TRPS1: variants seen among roughly 807,000 people sequenced by gnomAD.
TRPS1 encodes transcriptional repressor GATA binding 1, also known as zinc finger transcription factor Trps1.
A neutral mutation model predicts 101.2 loss-of-function variants in TRPS1; 6 were observed. The observed-to-expected ratio is 0.06, with a 90% CI of 0.03 to 0.12. The LOEUF (loss-of-function observed/expected upper bound fraction) is 0.12. Ranked by LOEUF, TRPS1 falls within the 10% of genes least tolerant of loss-of-function variation. TRPS1 has a pLI of 1.00. For missense variants in TRPS1, 1,363 were observed against 1,567.0 expected (o/e 0.87, Z 2.20); for synonymous variants, 578 against 589.8 (o/e 0.98, Z 0.29).
At chr8:115,577,162 A>T (rs1817337613) in intron 5 of TRPS1, among the ~76,000 whole-genome samples, 1 of 152,166 alleles carries the variant, frequency 6.6e-6, no homozygotes, top group African/African-American at 2.4e-5. Flanking sequence ...TGTTCAATGT[A>T]CAAAAGAGGA....
At chr8:115,533,441 T>TTTTTTTTTGTTTTTTTTTTTTTTG (rs1563580700) in intron 5 of TRPS1, among the ~76,000 whole-genome samples, 1 of 124,466 alleles carries the variant, frequency 8.0e-6, no homozygotes, top group African/African-American at 3.4e-5. Flanking sequence ...AATCTGTTTT[T>TTTTTTTTTGTTTTTTTTTTTTTTG]TTTTTTTTTT....
intron 5 of TRPS1, among the ~76,000 whole-genome samples, chr8:115,421,489 CTT>C (rs995117647): frequency 6.6e-6 from 1 of 152,104 alleles, no homozygotes; most frequent in African/African-American, 2.4e-5. Context: ...CAATGTGTTT[CTT>C]TCATACCAAT....
At chr8:115,511,599 A>C (rs1238204280) in intron 5 of TRPS1, among the ~76,000 whole-genome samples, 1 of 151,934 alleles carries the variant, frequency 6.6e-6, no homozygotes, top group Non-Finnish European at 1.5e-5. Context: ...TCCCTGTGAC[A>C]GAGTTGGGAC....
chr8:115,497,413 C>A (rs1403760114), intron 5 of TRPS1, among the ~76,000 whole-genome samples: 1 of 152,162 alleles, frequency 6.6e-6, no homozygotes, highest in Admixed American at 6.5e-5. Context: ...TGCTGTGTGG[C>A]CCAGTTCCTA....
chr8:115,429,020 G>C (rs1168475159), intron 5 of TRPS1, among the ~76,000 whole-genome samples: 1 of 152,158 alleles, frequency 6.6e-6, no homozygotes, highest in Non-Finnish European at 1.5e-5. Context: ...AAACTGAGCT[G>C]ATTTCTAAAG....
rs1363449246 is a variant in TRPS1, at chr8:115,412,760, T to A, written c.*1263A>T. The stretch of plus-strand genomic sequence containing the variant: ...ACAGCACCTTTAACCAATTATTTAA[T>A]GTTCAGTTATTTAGCCCTATTTCCC... On this transcript the variant is annotated 3_prime_UTR_variant, in exon 7 of 7. Transcript: ENST00000395715. 6.6e-6 allele frequency: 1 copy of A among 152,550 alleles called. No individual in the cohort carries two copies. The highest frequency in any genetic ancestry group is 1.5e-5 in the Non-Finnish European group (1 of 68,006). 9.4% of individuals were successfully genotyped at this position (152,550 alleles called of 1,614,324 possible).
intron 5 of TRPS1, among the ~76,000 whole-genome samples, chr8:115,576,227 C>T (rs1817314048): frequency 6.6e-6 from 1 of 151,810 alleles, no homozygotes; most frequent in Non-Finnish European, 1.5e-5. Flanking sequence ...TTGCTTATAA[C>T]TTATGGATTC....
intron 5 of TRPS1, among the ~76,000 whole-genome samples, chr8:115,526,202 G>A (rs1439724499): frequency 6.6e-6 from 1 of 152,026 alleles, no homozygotes; most frequent in Non-Finnish European, 1.5e-5. Flanking sequence ...CCAGCTACTC[G>A]AGAGACTGAG....
chr8:115,445,131 A>T (rs1269589817), intron 5 of TRPS1, among the ~76,000 whole-genome samples: 1 of 152,018 alleles, frequency 6.6e-6, no homozygotes, highest in East Asian at 1.9e-4. Context: ...GTTCCCTCAA[A>T]CAGACCTCAT....
intron 5 of TRPS1, among the ~76,000 whole-genome samples, chr8:115,535,526 TATATAGCGCATATATATAGCGC>T (rs1460169289): frequency 6.0e-5 from 9 of 149,020 alleles, no homozygotes; most frequent in African/African-American, 2.2e-4. Flanking sequence ...ATATAGCGCA[TATATAGCGCATATATATAGCGC>T]ATATATATAT....
chr8:115,609,518 T>C (rs1211717416), intron 3 of TRPS1, among the ~76,000 whole-genome samples: 1 of 152,150 alleles, frequency 6.6e-6, no homozygotes, highest in Admixed American at 6.5e-5. Flanking sequence ...TGAAAATGTC[T>C]CACCAAGGCC....
At chr8:115,660,049 A>G (rs1404785576) in intron 1 of TRPS1, among the ~76,000 whole-genome samples, 3 of 152,004 alleles carry the variant, frequency 2.0e-5, no homozygotes, top group African/African-American at 7.2e-5. Flanking sequence ...TAGCTCAGAG[A>G]GCAAAAGCTA....
chr8:115,657,202 T>C (rs1280000357), intron 1 of TRPS1, among the ~76,000 whole-genome samples: 2 of 152,046 alleles, frequency 1.3e-5, no homozygotes, highest in African/African-American at 4.8e-5. Flanking sequence ...AAGCAAACAT[T>C]CACTGTTATA....
chr8:115,519,824 AAAG>A (rs1381287788), intron 5 of TRPS1, among the ~76,000 whole-genome samples: 3 of 151,750 alleles, frequency 2.0e-5, no homozygotes, highest in African/African-American at 4.8e-5. Flanking sequence ...GTTCAAAAGA[AAAG>A]AAGAATTAAT....
chr8:115,608,298 G>T (rs1818085504), intron 3 of TRPS1, among the ~76,000 whole-genome samples: 1 of 152,046 alleles, frequency 6.6e-6, no homozygotes, highest in African/African-American at 2.4e-5. Flanking sequence ...ATATTAAACT[G>T]TAATTTCTGT....
intron 4 of TRPS1, among the ~76,000 whole-genome samples, chr8:115,591,630 C>T (rs1161593169): frequency 2.0e-5 from 3 of 152,110 alleles, no homozygotes; most frequent in Non-Finnish European, 4.4e-5. Flanking sequence ...GTGAACCAAC[C>T]GACCTAGGCA....
chr8:115,570,929 T>C (rs936940000), intron 5 of TRPS1, among the ~76,000 whole-genome samples: 6 of 152,220 alleles, frequency 3.9e-5, no homozygotes. Context: ...ACCAGAATAC[T>C]GTGCAGTCAG....
intron 5 of TRPS1, among the ~76,000 whole-genome samples, chr8:115,499,215 T>C (rs139246743): frequency 0.015 from 2,323 of 152,312 alleles, 32 homozygotes; most frequent in Admixed American, 0.026. Context: ...TTGTTAAAAT[T>C]ATTCTTGTCT....
intron 3 of TRPS1, among the ~76,000 whole-genome samples, chr8:115,616,326 T>C (rs1278824345): frequency 6.6e-6 from 1 of 152,230 alleles, no homozygotes; most frequent in Non-Finnish European, 1.5e-5. Flanking sequence ...TTTCAATTAT[T>C]CCTCCAAGTA....
Sources: gnomAD v4.1 joint callset for allele counts (sites outside exome capture counted in the v4.1 genomes callset) on GRCh38, gnomAD v4.1.1 for gene constraint, MANE v1.5 for transcripts, NCBI Gene and HGNC (gene_info 2026-07-23, HGNC 2026-07-21) for gene names.